Variants in DOCK4 observed in about 807,000 individuals in gnomAD.
DOCK4 encodes dedicator of cytokinesis 4.
In DOCK4, 97 loss-of-function variants were observed where a neutral mutation model predicts 268.1. That is an observed-to-expected ratio of 0.36 (90% confidence interval 0.31 to 0.43). The LOEUF (loss-of-function observed/expected upper bound fraction) is 0.43. Ranked by LOEUF, DOCK4 falls within the 20% of genes least tolerant of loss-of-function variation. The probability of loss-of-function intolerance (pLI) is 1.00; values close to 1 mark genes in which losing one functional copy is unlikely to be tolerated. For synonymous variants in DOCK4, 954 were observed against 887.2 expected (o/e 1.08, Z -1.34); for missense variants, 2,145 against 2,455.7 (o/e 0.87, Z 2.67).
At chr7:111,923,218 T>C (rs894693401) in intron 12 of DOCK4, among the ~76,000 whole-genome samples, 1 of 152,198 alleles carries the variant, frequency 6.6e-6, no homozygotes, top group Admixed American at 6.5e-5. Context: ...ATAGGTTATA[T>C]GTAAATAGTA....
At chr7:112,108,978 G>A (rs1275427408) in intron 1 of DOCK4, among the ~76,000 whole-genome samples, 1 of 151,978 alleles carries the variant, frequency 6.6e-6, no homozygotes, top group Non-Finnish European at 1.5e-5. Context: ...TTTTTTACTG[G>A]GGGAGGAGGA....
chr7:111,818,542 T>A (rs1801738088), intron 27 of DOCK4, among the ~76,000 whole-genome samples: 1 of 152,184 alleles, frequency 6.6e-6, no homozygotes, highest in Non-Finnish European at 1.5e-5. Flanking sequence ...TCATCCTTAT[T>A]TCCAAAACCA....
chr7:112,058,086 T>C (rs1024335344), intron 1 of DOCK4, among the ~76,000 whole-genome samples: 1 of 148,262 alleles, frequency 6.7e-6, no homozygotes, highest in Non-Finnish European at 1.5e-5. Flanking sequence ...AGAAACTGTA[T>C]GAATGGTGTA....
intron 1 of DOCK4, among the ~76,000 whole-genome samples, chr7:112,169,026 A>G (rs558256972): frequency 3.3e-5 from 5 of 152,306 alleles, no homozygotes; most frequent in Admixed American, 2.0e-4. Flanking sequence ...GTAATCCCCA[A>G]TGTTGGAGGA....
At chr7:111,888,982 G>C (rs907745463) in intron 16 of DOCK4, among the ~76,000 whole-genome samples, 1 of 152,116 alleles carries the variant, frequency 6.6e-6, no homozygotes, top group Non-Finnish European at 1.5e-5. Context: ...CTCAGCAGAA[G>C]CAAGTCAGGT....
At chr7:111,955,144 G>T (rs145845916) in intron 8 of DOCK4, among the ~76,000 whole-genome samples, 401 of 152,218 alleles carry the variant, frequency 2.6e-3, no homozygotes, top group Middle Eastern at 0.02. Flanking sequence ...AACCACATGA[G>T]AACACAAATG....
At chr7:111,846,429 G>A (rs1804111022) in intron 24 of DOCK4, among the ~76,000 whole-genome samples, 1 of 151,834 alleles carries the variant, frequency 6.6e-6, no homozygotes, top group South Asian at 2.1e-4. Flanking sequence ...ATTTTGCAGT[G>A]CATTCTCTAA....
chr7:111,911,554 G>C (rs560360554), intron 13 of DOCK4, among the ~76,000 whole-genome samples: 1 of 152,210 alleles, frequency 6.6e-6, no homozygotes, highest in Non-Finnish European at 1.5e-5. Flanking sequence ...ATGTCTGAAA[G>C]AACAATTTTC....
chr7:112,058,739 G>A (rs7791646), intron 1 of DOCK4, among the ~76,000 whole-genome samples: 17,967 of 152,120 alleles, frequency 0.12, 3,602 homozygotes, highest in African/African-American at 0.41. Context: ...AAGGGAGAGA[G>A]AAAGAAAAAG....
chr7:111,877,880 T>C (rs1807045311), intron 16 of DOCK4, among the ~76,000 whole-genome samples: 1 of 152,218 alleles, frequency 6.6e-6, no homozygotes, highest in African/African-American at 2.4e-5. Context: ...GATGCCAATG[T>C]AGCGACATAC....
chr7:112,197,540 G>A (rs1056486409), intron 1 of DOCK4, among the ~76,000 whole-genome samples: 1 of 152,168 alleles, frequency 6.6e-6, no homozygotes, highest in Admixed American at 6.5e-5. Context: ...TAATGCCTTA[G>A]CTAGGCAACG....
chr7:111,800,367 C>T (rs990850492), intron 30 of DOCK4, among the ~76,000 whole-genome samples: 1 of 152,126 alleles, frequency 6.6e-6, no homozygotes, highest in African/African-American at 2.4e-5. Context: ...ATTATTTTAG[C>T]CACCCAATAA....
At chr7:111,729,279 G>T (rs1449330219) in intron 52 of DOCK4, among the ~76,000 whole-genome samples, 2 of 152,224 alleles carry the variant, frequency 1.3e-5, no homozygotes, top group East Asian at 3.9e-4. Flanking sequence ...GGAGAAAGGA[G>T]CTGGGCATGG....
intron 1 of DOCK4, among the ~76,000 whole-genome samples, chr7:112,035,872 A>G (rs1004644090): frequency 1.8e-4 from 28 of 152,324 alleles, no homozygotes; most frequent in African/African-American, 6.7e-4. Context: ...AAATTTAAAC[A>G]TAATTTTTAA....
intron 8 of DOCK4, among the ~76,000 whole-genome samples, chr7:111,961,522 T>C (rs1796895125): frequency 6.6e-6 from 1 of 152,176 alleles, no homozygotes; most frequent in Admixed American, 6.5e-5. Context: ...CCTATACTTA[T>C]TTAGAATTTC....
intron 41 of DOCK4, among the ~76,000 whole-genome samples, chr7:111,758,171 T>C (rs1797161002): frequency 6.6e-6 from 1 of 152,216 alleles, no homozygotes; most frequent in Admixed American, 6.5e-5. Context: ...ACCAGCAGTC[T>C]ACCCAACTGT....
rs1279232157 is a variant in DOCK4 at position 111,844,803 on chromosome 7, G to T, written c.2696C>A (p.Pro899Gln). The change falls in exon 25 of 53, where the codon CCA becomes CAA. Residue 899 changes from proline to glutamine, a missense_variant. Coordinates refer to ENST00000428084, the MANE Select transcript of DOCK4 (RefSeq NM_001363540.2). ...TILEITSRPQ[P>Q]SSSAMRFQFQ... ...CTGGAACCGCATTGCTGAGCTGGAT[G>T]GCTGAGGTCGGCTGGTGATCTCCAA... 2 of 1,613,686 alleles carry T rather than the reference G, an allele frequency of 1.2e-6. No individual in the cohort carries two copies. The highest frequency in any genetic ancestry group is 1.7e-6 in the Non-Finnish European group (2 of 1,179,752).
chr7:111,932,511 A>AC (rs1213229919), intron 12 of DOCK4, among the ~76,000 whole-genome samples: 2 of 152,158 alleles, frequency 1.3e-5, no homozygotes, highest in Non-Finnish European at 2.9e-5. Context: ...TAAGAACTTA[A>AC]AAAAATGCTA....
intron 1 of DOCK4, among the ~76,000 whole-genome samples, chr7:112,202,507 G>A (rs1821033222): frequency 9.5e-6 from 1 of 104,726 alleles, no homozygotes; most frequent in Non-Finnish European, 2.0e-5. Flanking sequence ...TATATGAGGT[G>A]TAATTTGTTA....
Sources: allele counts gnomAD v4.1 joint callset (sites outside exome capture counted in the v4.1 genomes callset), GRCh38; gene constraint gnomAD v4.1.1; transcripts MANE v1.5; gene names NCBI Gene and HGNC (gene_info 2026-07-23, HGNC 2026-07-21).